APP: variants seen among roughly 807,000 people sequenced by gnomAD.
APP encodes the protein amyloid beta precursor protein, also known as amyloid-beta precursor protein.
In APP, 31 loss-of-function variants were observed where a neutral mutation model predicts 101.4. That is an observed-to-expected ratio of 0.31 (90% CI 0.23 to 0.41). APP has a LOEUF of 0.41. APP is among the 10% of genes least tolerant of loss of function. The pLI is 1.00. For missense variants in APP, 839 were observed against 1,003.7 expected, an observed-to-expected ratio of 0.84 and a Z score of 2.22; for synonymous variants, 366 against 364.4, an observed-to-expected ratio of 1.00 and a Z score of -0.05.
At chr21:26,038,941 G>C (rs2830021) in intron 5 of APP, among the ~76,000 whole-genome samples, 48,512 of 151,978 alleles carry the variant, frequency 0.32, 7,958 homozygotes, top group South Asian at 0.41. Flanking sequence ...TTGAGGTAAA[G>C]AAATAGGCTC....
chr21:26,158,504 C>T (rs955024832), intron 1 of APP, among the ~76,000 whole-genome samples: 1 of 152,162 alleles, frequency 6.6e-6, no homozygotes, highest in Non-Finnish European at 1.5e-5. Flanking sequence ...TGCTCCCTTG[C>T]ATCGAGGTGT....
At chr21:26,015,254 T>A (rs1188885880) in intron 6 of APP, among the ~76,000 whole-genome samples, 2 of 1,308 alleles carry the variant, frequency 1.5e-3, no homozygotes, top group African/African-American at 4.5e-3. Context: ...CAATGGAGGA[T>A]CGGAATGATG....
At chr21:25,898,368 C>G (rs2038221518) in intron 15 of APP, among the ~76,000 whole-genome samples, 1 of 152,178 alleles carries the variant, frequency 6.6e-6, no homozygotes. Flanking sequence ...ACTAATTGTT[C>G]TGATGAATTT....
At chr21:26,049,767 G>A (rs1024622396) in intron 5 of APP, among the ~76,000 whole-genome samples, 1 of 152,162 alleles carries the variant, frequency 6.6e-6, no homozygotes, top group African/African-American at 2.4e-5. Flanking sequence ...GATTAGAAAG[G>A]CAGGCAGGGA....
chr21:26,067,792 C>A (rs1048456514), intron 3 of APP, among the ~76,000 whole-genome samples: 1 of 151,926 alleles, frequency 6.6e-6, no homozygotes, highest in Non-Finnish European at 1.5e-5. Context: ...CTCTGTATCC[C>A]GAGAGATGAG....
chr21:26,028,176 C>CAAAAAAAAA (rs200301180), intron 5 of APP, among the ~76,000 whole-genome samples: 1 of 93,506 alleles, frequency 1.1e-5, no homozygotes, highest in African/African-American at 4.2e-5. Context: ...GACTCTGTCT[C>CAAAAAAAAA]AAAAAAAAAA....
At chr21:26,166,299 C>T (rs1321666143) in intron 1 of APP, among the ~76,000 whole-genome samples, 2 of 152,074 alleles carry the variant, frequency 1.3e-5, no homozygotes, top group South Asian at 2.1e-4. Context: ...TCCCCTGCCA[C>T]CTTCTGTCTT....
chr21:26,058,962 T>C (rs1387261490), intron 3 of APP, among the ~76,000 whole-genome samples: 1 of 151,582 alleles, frequency 6.6e-6, no homozygotes, highest in Non-Finnish European at 1.5e-5. Flanking sequence ...GCGCCTGTAG[T>C]CCCAGCTACT....
intron 1 of APP, among the ~76,000 whole-genome samples, chr21:26,161,856 C>T (rs912112366): frequency 6.6e-6 from 1 of 151,916 alleles, no homozygotes. Context: ...AAGACTTAAG[C>T]TAAGACTTCA....
At chr21:25,883,844 T>G (rs1306034389) in intron 17 of APP, among the ~76,000 whole-genome samples, 1 of 152,202 alleles carries the variant, frequency 6.6e-6, no homozygotes, top group African/African-American at 2.4e-5. Context: ...GCAGCTGGAA[T>G]AGGTAGATAT....
rs200069013 is a variant in APP at position 26,112,063 on chromosome 21, G to A, written c.141C>T (p.Val47=). 40 of 1,613,938 alleles carry A rather than the reference G, an allele frequency of 2.5e-5. No individual in the cohort carries two copies. The highest frequency in any genetic ancestry group is 3.2e-5 in the Non-Finnish European group (38 of 1,179,976). ...GATCTGAATCCCACTTCCCATTCTG[G>A]ACATTCATGTGCATGTTCAGTCTGC... ...FCGRLNMHMN[V]QNGKWDSDPS... Residue 47 remains valine (V), a synonymous_variant, in exon 2 of 18, where the codon GTC becomes GTT. Coordinates refer to ENST00000346798, the MANE Select transcript of APP (RefSeq NM_000484.4).
chr21:25,972,645 C>T (rs111654634), intron 11 of APP, among the ~76,000 whole-genome samples: 128 of 132,378 alleles, frequency 9.7e-4, no homozygotes, highest in African/African-American at 3.4e-3. Context: ...CAAGTGATCT[C>T]CTATCTCAAC....
chr21:25,898,176 G>A (rs987544889), intron 15 of APP, among the ~76,000 whole-genome samples: 4 of 152,174 alleles, frequency 2.6e-5, no homozygotes, highest in African/African-American at 4.8e-5. Flanking sequence ...ATGTATCTAT[G>A]CAGTGAAGCG....
intron 3 of APP, among the ~76,000 whole-genome samples, chr21:26,077,416 C>G (rs1390806217): frequency 6.6e-6 from 1 of 152,102 alleles, no homozygotes; most frequent in South Asian, 2.1e-4. Flanking sequence ...CATACTTAGG[C>G]GTATTTTTAT....
rs530382547 is a variant in APP at position 25,903,230 on chromosome 21, A to T, written c.1963+1794T>A. Among the ~76,000 whole-genome samples the T allele has an allele frequency of 1.8e-4, 27 of 151,968 alleles. 1 individual carries two copies. In the South Asian group the frequency reaches 5.6e-3, roughly 32 times the overall value. The stretch of plus-strand genomic sequence containing the variant: ...GAAAATACAAAAAAATTAGCTGGGC[A>T]TGGTGGGGCGCATCTGTAGTCCCAG... On this transcript the variant is annotated intron_variant, in intron 15 of 17. Coordinates refer to ENST00000346798, the MANE Select transcript of APP (RefSeq NM_000484.4).
intron 3 of APP, 192 bp from the exon 4 acceptor site, chr21:26,053,540 C>T: frequency 3.8e-6 from 2 of 521,938 alleles, no homozygotes; most frequent in African/African-American, 1.9e-5. Flanking sequence ...CTTGCCACTT[C>T]AAGTTTGATG....
At chr21:26,140,327 G>T (rs1191632470) in intron 1 of APP, 1 of 1,525,364 alleles carries the variant, frequency 6.6e-7, no homozygotes, top group African/African-American at 1.4e-5. Flanking sequence ...TCCTCGGGAG[G>T]GTGAGTCAAC....
At chr21:26,021,265 C>T (rs1191532558) in intron 6 of APP, among the ~76,000 whole-genome samples, 1 of 152,138 alleles carries the variant, frequency 6.6e-6, no homozygotes, top group African/African-American at 2.4e-5. Flanking sequence ...CCAGACTGGT[C>T]TTGAACTCCT....
Position 26,114,931 on chromosome 21 carries a change from T to C in APP, c.58-2785A>G, listed in dbSNP as rs563676074. The stretch of plus-strand genomic sequence containing the variant: ...TGCCATCTGTTGGCATATGTGTGTA[T>C]GTTGACTACCAAAAAGTGGTAATTT... On this transcript the variant is annotated intron_variant, in intron 1 of 17. Coordinates refer to ENST00000346798, the MANE Select transcript of APP (RefSeq NM_000484.4). Among the ~76,000 whole-genome samples the C allele has an allele frequency of 3.9e-5, 6 of 152,314 alleles. No homozygotes were observed. The East Asian group carries it at 1.2e-3, about 29-fold the overall frequency.
Sources: allele counts gnomAD v4.1 joint callset (sites outside exome capture counted in the v4.1 genomes callset), GRCh38; gene constraint gnomAD v4.1.1; transcripts MANE v1.5; gene names NCBI Gene and HGNC (gene_info 2026-07-23, HGNC 2026-07-21).